SMAP1: variants seen among roughly 807,000 people sequenced by gnomAD.
The protein encoded by SMAP1 is stromal membrane-associated protein 1.
In SMAP1, 24 loss-of-function variants were observed where a neutral mutation model predicts 58.5. The observed-to-expected ratio is 0.41, with a 90% CI of 0.30 to 0.58. SMAP1 has a LOEUF of 0.58. Ranked by LOEUF, SMAP1 falls within the 20% of genes least tolerant of loss-of-function variation. SMAP1 has a pLI of 0.29. For missense variants in SMAP1, 563 were observed against 566.3 expected (o/e 0.99, Z 0.06); for synonymous variants, 216 against 196.6 (o/e 1.10, Z -0.82).
At position 70,755,016 on chromosome 6, in the gene SMAP1, C is replaced by G. The variant is rs1766428300; in HGVS notation, c.289C>G (p.Leu97Val). The G allele has an allele frequency of 1.2e-6, 2 of 1,610,392 alleles. No individual in the cohort carries two copies. Among genetic ancestry groups the G allele is most frequent in the African/African-American group, 1.3e-5 (1 of 74,780 alleles). The part of the protein sequence containing the change: ...QDMGNTKARL[L>V]YEANLPENFR... ...TATGGGAAATACTAAAGCAAGACTACTCTATGAAGCCAATCTTCCAGAGAA... is the reference window on the plus strand; with the variant it reads ...TATGGGAAATACTAAAGCAAGACTAGTCTATGAAGCCAATCTTCCAGAGAA... The change falls in exon 3 of 11, where the codon CTC (leucine) becomes GTC (valine). Residue 97 changes from leucine to valine, a missense_variant. This residue lies in a region of SMAP1 where 494 missense variants were observed against 473.8 expected (regional missense o/e 1.04). Transcript: ENST00000370455.
intron 5 of SMAP1, among the ~76,000 whole-genome samples, chr6:70,793,751 C>T (rs535719870): frequency 2.2e-4 from 34 of 151,752 alleles, no homozygotes; most frequent in African/African-American, 5.3e-4. Flanking sequence ...GACAGAGTTT[C>T]GCTCTTGTTG....
chr6:70,753,085 A>G (rs1766344579), intron 2 of SMAP1, among the ~76,000 whole-genome samples: 1 of 152,012 alleles, frequency 6.6e-6, no homozygotes, highest in East Asian at 1.9e-4. Context: ...AATGAGCTAC[A>G]TTAAATAGAT....
chr6:70,816,258 T>C (rs1769625797), intron 6 of SMAP1, among the ~76,000 whole-genome samples: 1 of 152,166 alleles, frequency 6.6e-6, no homozygotes, highest in Non-Finnish European at 1.5e-5. Flanking sequence ...AGGACAATAA[T>C]GGAGTACAAA....
At chr6:70,690,946 T>A (rs1197074081) in intron 1 of SMAP1, among the ~76,000 whole-genome samples, 1 of 152,024 alleles carries the variant, frequency 6.6e-6, no homozygotes, top group African/African-American at 2.4e-5. Flanking sequence ...TTGGTAGATT[T>A]CCCCAGTAAA....
intron 1 of SMAP1, among the ~76,000 whole-genome samples, chr6:70,709,323 T>C (rs1767961215): frequency 6.6e-6 from 1 of 152,146 alleles, no homozygotes; most frequent in Non-Finnish European, 1.5e-5. Context: ...ATTGTTTTGA[T>C]TACTATAGCT....
intron 3 of SMAP1, among the ~76,000 whole-genome samples, chr6:70,765,341 A>G (rs1766923695): frequency 6.6e-6 from 1 of 152,220 alleles, no homozygotes; most frequent in Admixed American, 6.5e-5. Context: ...TGTAAACAAA[A>G]GTTAAGTTCC....
At chr6:70,710,459 A>T (rs7775813) in intron 1 of SMAP1, among the ~76,000 whole-genome samples, 63,169 of 142,970 alleles carry the variant, frequency 0.44, 14,057 homozygotes, top group South Asian at 0.5. Context: ...GTCACTGCAC[A>T]CTCCAGCCTG....
intron 7 of SMAP1, among the ~76,000 whole-genome samples, chr6:70,849,430 TA>T (rs57793593): frequency 5.3e-5 from 8 of 151,652 alleles, no homozygotes; most frequent in Middle Eastern, 3.4e-3. Flanking sequence ...GTAATAATAA[TA>T]AAAAAAACAC....
chr6:70,703,937 A>G (rs1482590129), intron 1 of SMAP1, among the ~76,000 whole-genome samples: 1 of 152,062 alleles, frequency 6.6e-6, no homozygotes, highest in Non-Finnish European at 1.5e-5. Context: ...GCTCTCACCT[A>G]GTTTGTTTTC....
intron 4 of SMAP1, among the ~76,000 whole-genome samples, chr6:70,791,468 T>G (rs1291383572): frequency 6.6e-6 from 1 of 152,174 alleles, no homozygotes; most frequent in African/African-American, 2.4e-5. Context: ...AAATCCATTT[T>G]AAATCATATA....
intron 1 of SMAP1, chr6:70,694,109 TA>T (rs759722914): frequency 1.0e-5 from 3 of 294,670 alleles, no homozygotes; most frequent in East Asian, 2.3e-4. Context: ...TTTGGAAAGT[TA>T]CTTTGTGGTG....
intron 6 of SMAP1, among the ~76,000 whole-genome samples, chr6:70,813,687 T>A (rs1457472007): frequency 6.6e-6 from 1 of 152,096 alleles, no homozygotes; most frequent in Non-Finnish European, 1.5e-5. Context: ...TGTGTTAATA[T>A]ATGCTTCCTT....
At chr6:70,788,267 A>G (rs1430626474) in intron 4 of SMAP1, among the ~76,000 whole-genome samples, 1 of 128,030 alleles carries the variant, frequency 7.8e-6, no homozygotes, top group Non-Finnish European at 1.6e-5. Flanking sequence ...ACATGGACAC[A>G]GGAAGGGGAA....
chr6:70,734,663 T>C (rs1765555464), intron 2 of SMAP1: 1 of 152,614 alleles, frequency 6.6e-6, no homozygotes, highest in African/African-American at 2.4e-5. Context: ...GCGCACGTGC[T>C]GGGTAGAAGT....
intron 2 of SMAP1, among the ~76,000 whole-genome samples, chr6:70,741,970 C>G (rs1360640978): frequency 2.6e-5 from 4 of 152,200 alleles, no homozygotes; most frequent in African/African-American, 9.6e-5. Flanking sequence ...GCTGGAGCAG[C>G]TGGGATGCAG....
At chr6:70,689,612 C>T (rs1699581937) in intron 1 of SMAP1, among the ~76,000 whole-genome samples, 1 of 152,148 alleles carries the variant, frequency 6.6e-6, no homozygotes. Flanking sequence ...TACAAATAAT[C>T]TCAGATTTCA....
chr6:70,673,270 T>C (rs1766342722), intron 1 of SMAP1, among the ~76,000 whole-genome samples: 1 of 152,204 alleles, frequency 6.6e-6, no homozygotes, highest in Non-Finnish European at 1.5e-5. Context: ...CCCAGGAGAC[T>C]GGTATGCTGA....
At chr6:70,774,749 A>G (rs1348001532) in intron 4 of SMAP1, among the ~76,000 whole-genome samples, 1 of 150,630 alleles carries the variant, frequency 6.6e-6, no homozygotes, top group Non-Finnish European at 1.5e-5. Context: ...TTTTTTTTCG[A>G]CTGGGCATGG....
intron 1 of SMAP1, among the ~76,000 whole-genome samples, chr6:70,713,762 T>G (rs972118185): frequency 2.0e-5 from 3 of 152,186 alleles, no homozygotes; most frequent in Non-Finnish European, 4.4e-5. Flanking sequence ...GTTTATTTGG[T>G]GTGTAGTGTT....
Sources: gnomAD v4.1 joint callset for allele counts (sites outside exome capture counted in the v4.1 genomes callset) on GRCh38, gnomAD v4.1.1 for gene constraint, gnomAD v4.1.1 regional missense constraint, MANE v1.5 for transcripts, NCBI Gene and HGNC (gene_info 2026-07-23, HGNC 2026-07-21) for gene names.